TBCK: variants seen among roughly 807,000 people sequenced by gnomAD.
TBCK encodes TBC1 domain containing kinase.
TBCK carries 99 observed loss-of-function variants against 113.4 expected under a neutral mutation model. That is an observed-to-expected ratio of 0.87 (90% CI 0.74 to 1.03). TBCK has a LOEUF of 1.03. Among genes scored for constraint, TBCK ranks in the 50% least tolerant of loss-of-function variants. The probability of loss-of-function intolerance (pLI) is 0.00; values close to 1 mark genes in which losing one functional copy is unlikely to be tolerated. For missense variants in TBCK, 1,045 were observed against 1,061.3 expected (o/e 0.98, Z 0.21); for synonymous variants, 369 against 370.8 (o/e 1.00, Z 0.05).
intron 3 of TBCK, among the ~76,000 whole-genome samples, chr4:106,270,476 G>A (rs1763379101): frequency 6.6e-6 from 1 of 152,194 alleles, no homozygotes; most frequent in Admixed American, 6.5e-5. Flanking sequence ...CATTTGGGAT[G>A]TTGGAAGACT....
chr4:106,168,312 C>T (rs993011483), intron 23 of TBCK, among the ~76,000 whole-genome samples: 1 of 151,776 alleles, frequency 6.6e-6, no homozygotes, highest in African/African-American at 2.4e-5. Flanking sequence ...GATAAAAAAT[C>T]TCTCAGCAAA....
At chr4:106,099,331 C>T (rs1448483711) in intron 24 of TBCK, among the ~76,000 whole-genome samples, 27 of 151,992 alleles carry the variant, frequency 1.8e-4, no homozygotes, top group Non-Finnish European at 5.9e-5. Flanking sequence ...TTAGTGACAT[C>T]GTATCTTTAA....
At chr4:106,127,892 G>C (rs1745422739) in intron 23 of TBCK, among the ~76,000 whole-genome samples, 1 of 151,996 alleles carries the variant, frequency 6.6e-6, no homozygotes, top group Non-Finnish European at 1.5e-5. Context: ...AAGTGCCCCA[G>C]GCCATTTTAT....
intron 25 of TBCK, among the ~76,000 whole-genome samples, chr4:106,092,611 G>A (rs571047122): frequency 4.8e-4 from 73 of 152,336 alleles, no homozygotes; most frequent in African/African-American, 1.7e-3. Flanking sequence ...ACTGCTGGGG[G>A]ACCTGGCGCA....
rs556387009 is a variant in TBCK at position 106,289,535 on chromosome 4, C to T, written c.266+5559G>A. Among the ~76,000 whole-genome samples, 8 of 152,140 alleles carry T rather than the reference C, an allele frequency of 5.3e-5. No individual in the cohort carries two copies. In the South Asian group the frequency reaches 1.7e-3, roughly 32 times the overall value. On this transcript the variant is annotated intron_variant, in intron 3 of 25. Transcript: ENST00000394708. ...CCTGTAATCCCAGCACTTTGAGAGG[C>T]TGAGGCGGGCAGATCATGAGGTCAG...
At chr4:106,147,368 C>T (rs1274936953) in intron 23 of TBCK, among the ~76,000 whole-genome samples, 1 of 152,130 alleles carries the variant, frequency 6.6e-6, no homozygotes, top group Non-Finnish European at 1.5e-5. Flanking sequence ...AAAAGTAAGA[C>T]TTGAAAGTTG....
At chr4:106,266,666 AC>A (rs1326766714) in intron 3 of TBCK, among the ~76,000 whole-genome samples, 6 of 151,924 alleles carry the variant, frequency 3.9e-5, no homozygotes, top group Non-Finnish European at 7.4e-5. Context: ...ACTTGAGAGT[AC>A]ATGTCAATTA....
intron 25 of TBCK, among the ~76,000 whole-genome samples, chr4:106,065,991 A>T (rs1205362408): frequency 2.0e-5 from 3 of 152,056 alleles, no homozygotes; most frequent in Non-Finnish European, 4.4e-5. Context: ...CAAATACAAA[A>T]GGGGAAGTGG....
chr4:106,251,613 A>G, intron 6 of TBCK, among the ~76,000 whole-genome samples: 1 of 152,090 alleles, frequency 6.6e-6, no homozygotes. Flanking sequence ...TTGTAAAAAT[A>G]TACACATTAT....
At chr4:106,220,820 T>C (rs1157900967) in intron 19 of TBCK, among the ~76,000 whole-genome samples, 1 of 152,216 alleles carries the variant, frequency 6.6e-6, no homozygotes, top group Non-Finnish European at 1.5e-5. Context: ...AACTTTTCTT[T>C]AACTTTTTAA....
chr4:106,305,982 C>A (rs1767474147), intron 2 of TBCK, among the ~76,000 whole-genome samples: 1 of 152,192 alleles, frequency 6.6e-6, no homozygotes, highest in South Asian at 2.1e-4. Flanking sequence ...CTTGGGGCTA[C>A]TCTGGCTATG....
Position 106,176,771 on chromosome 4 carries a change from T to C in TBCK, c.2060-5501A>G, listed in dbSNP as rs557335528. 2.6e-5 allele frequency among the ~76,000 whole-genome samples: 4 copies of C among 152,122 alleles called. No homozygotes were observed. The East Asian group carries it at 7.7e-4, about 29-fold the overall frequency. ...GGAACCTCCATACTGTTTTTCATAG[T>C]AGCTATACTAATTTACATTCCCACT... On this transcript the variant is annotated intron_variant, in intron 22 of 25. Coordinates refer to ENST00000394708, the MANE Select transcript of TBCK (RefSeq NM_001163435.3).
chr4:106,084,906 G>A (rs1183401531), intron 25 of TBCK, among the ~76,000 whole-genome samples: 3 of 152,112 alleles, frequency 2.0e-5, no homozygotes, highest in Non-Finnish European at 4.4e-5. Flanking sequence ...ATTACCACCA[G>A]GTCAGTCCTG....
At chr4:106,133,449 G>T (rs1207818531) in intron 23 of TBCK, among the ~76,000 whole-genome samples, 1 of 152,076 alleles carries the variant, frequency 6.6e-6, no homozygotes, top group Non-Finnish European at 1.5e-5. Flanking sequence ...TTTATTAGTA[G>T]ATTGAGAACA....
At chr4:106,081,097 A>G (rs1057240754) in intron 25 of TBCK, among the ~76,000 whole-genome samples, 3 of 152,228 alleles carry the variant, frequency 2.0e-5, no homozygotes, top group African/African-American at 7.2e-5. Context: ...CCATTGTGGA[A>G]CTAACTGGAA....
intron 19 of TBCK, among the ~76,000 whole-genome samples, chr4:106,216,359 C>T (rs1237370581): frequency 2.0e-5 from 3 of 151,880 alleles, no homozygotes; most frequent in Admixed American, 6.6e-5. Context: ...CAAGAAATAA[C>T]TAAAATCAGA....
intron 23 of TBCK, among the ~76,000 whole-genome samples, chr4:106,134,033 A>C (rs7663321): frequency 6.6e-6 from 1 of 151,800 alleles, no homozygotes; most frequent in Non-Finnish European, 1.5e-5. Flanking sequence ...AAACAAAAAA[A>C]AAAACAAAAC....
At chr4:106,072,551 G>C (rs1737601312) in intron 25 of TBCK, among the ~76,000 whole-genome samples, 1 of 152,078 alleles carries the variant, frequency 6.6e-6, no homozygotes, top group African/African-American at 2.4e-5. Context: ...TTTTAACCTT[G>C]GTTAATCCGA....
chr4:106,077,642 G>A (rs1738363928), intron 25 of TBCK, among the ~76,000 whole-genome samples: 1 of 152,072 alleles, frequency 6.6e-6, no homozygotes, highest in Admixed American at 6.5e-5. Flanking sequence ...CCCAAAATTA[G>A]AGTTCCCAGA....
Sources: allele counts gnomAD v4.1 joint callset (sites outside exome capture counted in the v4.1 genomes callset), GRCh38; gene constraint gnomAD v4.1.1; transcripts MANE v1.5; gene names NCBI Gene and HGNC (gene_info 2026-07-23, HGNC 2026-07-21).